The following IL1RAPL1 variants were observed in gnomAD, a reference collection of about 807,000 sequenced individuals.
The protein encoded by IL1RAPL1 is interleukin-1 receptor accessory protein-like 1.
In IL1RAPL1, 3 loss-of-function variants were observed where a neutral mutation model predicts 48.4. The ratio of observed to expected loss-of-function variants is 0.06; its 90% CI spans 0.03 to 0.16. The LOEUF (loss-of-function observed/expected upper bound fraction) is 0.16, where lower values mean the gene tolerates loss of function less well. Ranked by LOEUF, IL1RAPL1 falls within the 10% of genes least tolerant of loss-of-function variation. The probability of loss-of-function intolerance (pLI) is 1.00; values close to 1 mark genes in which losing one functional copy is unlikely to be tolerated. For synonymous variants in IL1RAPL1, 185 were observed against 187.7 expected (o/e 0.99, Z 0.12); for missense variants, 349 against 530.6 (o/e 0.66, Z 3.36).
chrX:29,194,815 G>A lies in IL1RAPL1; in HGVS notation c.83-88123G>A, dbSNP rs369042703. Among the ~76,000 whole-genome samples, 176 of 111,080 alleles carry A rather than the reference G, an allele frequency of 1.6e-3. 3 individuals are homozygous for A. The South Asian group carries it at 0.065, about 41-fold the overall frequency. On this transcript the variant is annotated intron_variant, in intron 2 of 10. Coordinates refer to ENST00000378993, the MANE Select transcript of IL1RAPL1 (RefSeq NM_014271.4). ...TATCTTTTTTCTCACATGCCCCACA[G>A]TTCCTTTACCAGAGGAAATGTTCCC...
intron 6 of IL1RAPL1, among the ~76,000 whole-genome samples, chrX:29,839,724 T>C (rs761322038): frequency 4.0e-4 from 45 of 111,933 alleles, no homozygotes; most frequent in African/African-American, 1.4e-3. Flanking sequence ...AAGACCAACC[T>C]GGCCAACACA....
intron 6 of IL1RAPL1, among the ~76,000 whole-genome samples, chrX:29,903,194 GA>G: frequency 9.2e-6 from 1 of 109,196 alleles, no homozygotes; most frequent in South Asian, 3.9e-4. Context: ...GAGAGAGAGA[GA>G]GAGAGAGAGA....
At chrX:28,611,875 G>A (rs1934151544) in intron 1 of IL1RAPL1, among the ~76,000 whole-genome samples, 1 of 112,525 alleles carries the variant, frequency 8.9e-6, no homozygotes, top group Admixed American at 9.4e-5. Flanking sequence ...TGAGGGCCAG[G>A]ACACTGAAAC....
At chrX:29,898,686 C>T (rs1479907445) in intron 6 of IL1RAPL1, among the ~76,000 whole-genome samples, 2 of 111,466 alleles carry the variant, frequency 1.8e-5, no homozygotes, top group Non-Finnish European at 3.8e-5. Flanking sequence ...TGAATGATTC[C>T]GTAAGTATTT....
At chrX:29,260,422 T>C (rs754095330) in intron 2 of IL1RAPL1, among the ~76,000 whole-genome samples, 138 of 112,068 alleles carry the variant, frequency 1.2e-3, no homozygotes, top group African/African-American at 3.8e-3. Flanking sequence ...AGCAAAGTCA[T>C]GTCTTACATG....
Position 28,663,976 on chromosome X carries a change from G to A in IL1RAPL1, c.-25+75929G>A, listed in dbSNP as rs1401521244. ...GATTAATGAGCCTGAGAATTCATTC[G>A]CATACATATCACTTTGCATCTTGAC... On this transcript the variant is annotated intron_variant, in intron 1 of 10. Coordinates refer to ENST00000378993, the MANE Select transcript of IL1RAPL1 (RefSeq NM_014271.4). Among the ~76,000 whole-genome samples, 22 of 111,842 alleles carry A rather than the reference G, an allele frequency of 2.0e-4. No homozygotes were observed. The Admixed American group carries it at 2.0e-3, about 10-fold the overall frequency.
intron 2 of IL1RAPL1, among the ~76,000 whole-genome samples, chrX:29,188,812 C>T (rs1002072613): frequency 9.0e-6 from 1 of 110,623 alleles, no homozygotes; most frequent in African/African-American, 3.3e-5. Context: ...GTCTCGAACT[C>T]CTAACCTCGT....
intron 3 of IL1RAPL1, among the ~76,000 whole-genome samples, chrX:29,366,870 T>C (rs1246132310): frequency 9.0e-6 from 1 of 111,404 alleles, no homozygotes; most frequent in Admixed American, 9.6e-5. Context: ...CCCGGCCTGA[T>C]AGGTCATTTT....
At chrX:29,871,588 A>G (rs1450894956) in intron 6 of IL1RAPL1, among the ~76,000 whole-genome samples, 1 of 112,266 alleles carries the variant, frequency 8.9e-6, no homozygotes, top group Non-Finnish European at 1.9e-5. Flanking sequence ...ACACATTCCT[A>G]TTTAGCCCAT....
intron 2 of IL1RAPL1, among the ~76,000 whole-genome samples, chrX:29,109,540 G>T (rs1284261462): frequency 9.1e-6 from 1 of 110,449 alleles, no homozygotes; most frequent in East Asian, 2.8e-4. Context: ...AACATCAAAG[G>T]TCTTGATATA....
intron 2 of IL1RAPL1, among the ~76,000 whole-genome samples, chrX:28,881,560 G>A (rs1922502636): frequency 1.8e-5 from 2 of 111,491 alleles, no homozygotes; most frequent in East Asian, 2.8e-4. Flanking sequence ...TTCTGTGTTC[G>A]TGTTGAAATT....
intron 1 of IL1RAPL1, among the ~76,000 whole-genome samples, chrX:28,726,538 A>G (rs772085752): frequency 8.9e-6 from 1 of 111,881 alleles, no homozygotes; most frequent in Non-Finnish European, 1.9e-5. Context: ...GGAAAAACCT[A>G]TTATAAAACT....
At chrX:28,779,730 C>T (rs1344322424) in intron 1 of IL1RAPL1, among the ~76,000 whole-genome samples, 1 of 93,184 alleles carries the variant, frequency 1.1e-5, no homozygotes, top group Non-Finnish European at 2.1e-5. Flanking sequence ...ATCTTAAATA[C>T]TTACCTTGCT....
At chrX:29,682,006 C>G (rs1251662598) in intron 6 of IL1RAPL1, among the ~76,000 whole-genome samples, 1 of 111,472 alleles carries the variant, frequency 9.0e-6, no homozygotes, top group African/African-American at 3.3e-5. Flanking sequence ...TCCAATTACT[C>G]TGATTTGATC....
At chrX:28,987,659 C>G (rs1022174413) in intron 2 of IL1RAPL1, among the ~76,000 whole-genome samples, 1 of 111,736 alleles carries the variant, frequency 8.9e-6, no homozygotes, top group Admixed American at 9.6e-5. Flanking sequence ...CATTGGCGAC[C>G]TACCCCCTCA....
chrX:29,608,693 G>T (rs953080879), intron 5 of IL1RAPL1, among the ~76,000 whole-genome samples: 46 of 99,684 alleles, frequency 4.6e-4, no homozygotes, highest in Admixed American at 3.6e-3. Flanking sequence ...GGGCGTGGTG[G>T]CGGGCGCCTG....
intron 2 of IL1RAPL1, among the ~76,000 whole-genome samples, chrX:29,252,063 A>C: frequency 9.3e-6 from 1 of 107,228 alleles, no homozygotes; most frequent in Non-Finnish European, 1.9e-5. Flanking sequence ...GGAATTGAAC[A>C]ATGAGAACAC....
Position 28,708,372 on chromosome X carries a change from A to G in IL1RAPL1, c.-24-80948A>G, listed in dbSNP as rs138114977. 8.2e-3 allele frequency among the ~76,000 whole-genome samples: 916 copies of G among 111,220 alleles called. 7 individuals are homozygous for G. Among genetic ancestry groups the G allele is most frequent in the Non-Finnish European group, 0.012 (660 of 53,000 alleles). ...CTTGGAACTCTTATATACTGTTGGT[A>G]TGAATGTATAGTAGTACAGCCACTA... On this transcript the variant is annotated intron_variant, in intron 1 of 10. Coordinates refer to ENST00000378993, the MANE Select transcript of IL1RAPL1 (RefSeq NM_014271.4).
chrX:29,810,231 C>T (rs1234589504), intron 6 of IL1RAPL1, among the ~76,000 whole-genome samples: 1 of 110,145 alleles, frequency 9.1e-6, no homozygotes, highest in Non-Finnish European at 1.9e-5. Context: ...CCCTCTGTCA[C>T]CCAGGCTGGA....
Sources: gnomAD v4.1 joint callset for allele counts (sites outside exome capture counted in the v4.1 genomes callset) on GRCh38, gnomAD v4.1.1 for gene constraint, MANE v1.5 for transcripts, NCBI Gene and HGNC (gene_info 2026-07-23, HGNC 2026-07-21) for gene names.